Variants in GTF2H1 observed in about 807,000 individuals in gnomAD.
GTF2H1 encodes BTF2 p62.
A neutral mutation model predicts 71.2 loss-of-function variants in GTF2H1; 16 were observed. The ratio of observed to expected loss-of-function variants is 0.22; its 90% CI spans 0.15 to 0.34. The LOEUF (loss-of-function observed/expected upper bound fraction) is 0.34. Ranked by LOEUF, GTF2H1 falls within the 10% of genes least tolerant of loss-of-function variation. The pLI is 1.00. For missense variants in GTF2H1, 498 were observed against 648.2 expected (o/e 0.77, Z 2.52); for synonymous variants, 215 against 219.0 (o/e 0.98, Z 0.16).
chr11:18,358,760 A>T (rs181879495), intron 13 of GTF2H1, 120 bp downstream of exon 13: 9 of 643,868 alleles, frequency 1.4e-5, no homozygotes, highest in Admixed American at 1.3e-4. Flanking sequence ...TCTTTTGCAT[A>T]CATCGTTTCA....
At position 18,366,415 on chromosome 11, in the gene GTF2H1, G is replaced by T. The variant is rs11024628; in HGVS notation, c.*546G>T. ...TGAATTCCAATTATACCTTACATCAGCAAGTTAAAAAAAGTACTTTAAAAT... is the reference window on the plus strand; with the variant it reads ...TGAATTCCAATTATACCTTACATCATCAAGTTAAAAAAAGTACTTTAAAAT... On this transcript the variant is annotated 3_prime_UTR_variant, in exon 15 of 15. Coordinates refer to ENST00000265963, the MANE Select transcript of GTF2H1 (RefSeq NM_005316.4). The T allele has an allele frequency of 6.6e-6, 1 of 152,360 alleles. No homozygotes were observed. Among genetic ancestry groups the T allele is most frequent in the Non-Finnish European group, 1.5e-5 (1 of 68,010 alleles). 9.4% of individuals were successfully genotyped at this position (152,360 alleles called of 1,614,324 possible). A position where few individuals can be genotyped will look rare whatever the true frequency, so the allele number is the denominator to read the frequency against.
Position 18,360,651 on chromosome 11 carries a change from G to T in GTF2H1, c.1504G>T (p.Val502Phe), listed in dbSNP as rs773615546. ...GAAAAGTAATTTGGAACGATTCCAA[G>T]TTACGAAGCTCTGTCCATTCCAAGA... The part of the protein sequence containing the change: ...KMKSNLERFQ[V>F]TKLCPFQEKI... The change falls in exon 14 of 15, where the codon GTT becomes TTT. Residue 502 changes from valine (V) to phenylalanine (F), a missense_variant. Physicochemically the swap from Val to Phe is conservative, Grantham distance 50. Around this residue, in one of 3 missense-constraint regions of GTF2H1, gnomAD observed 266 missense variants for 301.6 expected, o/e 0.88. Transcript: ENST00000265963. The T allele has an allele frequency of 1.3e-6, 2 of 1,565,558 alleles. No individual in the cohort carries two copies. Among genetic ancestry groups the T allele is most frequent in the Non-Finnish European group, 1.7e-6 (2 of 1,159,400 alleles).
At chr11:18,355,620 C>T (rs1865526839) in intron 11 of GTF2H1, among the ~76,000 whole-genome samples, 1 of 152,056 alleles carries the variant, frequency 6.6e-6, no homozygotes, top group Admixed American at 6.6e-5. Flanking sequence ...ATCCTCTCAC[C>T]TCAGCCCTCC....
At chr11:18,336,114 G>GT (rs1410883595) in intron 3 of GTF2H1, among the ~76,000 whole-genome samples, 168 bp downstream of exon 3, 2 of 151,770 alleles carry the variant, frequency 1.3e-5, no homozygotes, top group East Asian at 1.9e-4. Context: ...GGTGGTGGTG[G>GT]TTTTTTGTTT....
At chr11:18,363,328 A>T (rs1458969764) in intron 14 of GTF2H1, among the ~76,000 whole-genome samples, 1 of 152,214 alleles carries the variant, frequency 6.6e-6, no homozygotes, top group Non-Finnish European at 1.5e-5. Context: ...CCTATACATA[A>T]TTGTACATGC....
chr11:18,350,728 A>G (rs1865403270), intron 9 of GTF2H1, among the ~76,000 whole-genome samples: 1 of 152,228 alleles, frequency 6.6e-6, no homozygotes. Context: ...TAGTCTTGGT[A>G]GTCAATAAGA....
chr11:18,345,406 A>T (rs1037915248), intron 7 of GTF2H1, among the ~76,000 whole-genome samples: 3 of 151,354 alleles, frequency 2.0e-5, no homozygotes, highest in Non-Finnish European at 4.4e-5. Context: ...CATGAAGCTG[A>T]CTTTGTTCTG....
At chr11:18,341,230 G>A in intron 5 of GTF2H1, 31 bp from the exon 6 acceptor site, 1 of 1,574,100 alleles carries the variant, frequency 6.4e-7, no homozygotes, top group Admixed American at 1.8e-5. Flanking sequence ...TGGAAATTCA[G>A]TATATAATAT....
chr11:18,327,738 A>G (rs550543859), intron 1 of GTF2H1, among the ~76,000 whole-genome samples: 3 of 152,276 alleles, frequency 2.0e-5, no homozygotes, highest in African/African-American at 7.2e-5. Context: ...ACAGATGTGT[A>G]CCACCAGGCC....
intron 1 of GTF2H1, among the ~76,000 whole-genome samples, chr11:18,324,609 T>C (rs1351664028): frequency 6.6e-6 from 1 of 152,212 alleles, no homozygotes; most frequent in East Asian, 1.9e-4. Context: ...CCTTGAGCTT[T>C]CCTAGCATTT....
intron 1 of GTF2H1, among the ~76,000 whole-genome samples, chr11:18,327,868 C>T (rs547738642): frequency 4.7e-4 from 72 of 152,322 alleles, no homozygotes; most frequent in African/African-American, 1.6e-3. Context: ...AGATTATAGA[C>T]GTGAGCCACC....
intron 7 of GTF2H1, among the ~76,000 whole-genome samples, chr11:18,342,795 C>T (rs1002573712): frequency 1.3e-5 from 2 of 152,118 alleles, no homozygotes; most frequent in African/African-American, 4.8e-5. Flanking sequence ...ACTTTATCTT[C>T]TGTTTAGTAT....
At chr11:18,351,859 A>G in intron 9 of GTF2H1, 22 bp from the exon 10 acceptor site, 1 of 1,191,864 alleles carries the variant, frequency 8.4e-7, no homozygotes, top group Non-Finnish European at 1.2e-6. Flanking sequence ...CAAAATAAAA[A>G]GTACTGTGTT....
chr11:18,341,938 T>C (rs983582857), intron 7 of GTF2H1: 2 of 181,368 alleles, frequency 1.1e-5, no homozygotes, highest in Non-Finnish European at 2.3e-5. Flanking sequence ...TATGGATAAA[T>C]TAATAAATAA....
chr11:18,367,012 G>A lies in GTF2H1; in HGVS notation c.*1143G>A, dbSNP rs1056463669. On this transcript the variant is annotated 3_prime_UTR_variant, in exon 15 of 15. Coordinates refer to ENST00000265963, the MANE Select transcript of GTF2H1 (RefSeq NM_005316.4). Reference sequence around the variant, plus strand: ...TTGTATTAAAAATTACACAAAAAAAGTAAAACTTTTTATACTTACCCTTTT... The same window carrying A: ...TTGTATTAAAAATTACACAAAAAAAATAAAACTTTTTATACTTACCCTTTT... The A allele has an allele frequency of 6.6e-6, 1 of 151,828 alleles. No individual in the cohort carries two copies. The highest frequency in any genetic ancestry group is 2.4e-5 in the African/African-American group (1 of 41,328). 9.4% of individuals were successfully genotyped at this position (151,828 alleles called of 1,614,324 possible). A position where few individuals can be genotyped will look rare whatever the true frequency, so the allele number is the denominator to read the frequency against.
chr11:18,360,550 T>G (rs1354602322), intron 13 of GTF2H1, 65 bp from the exon 14 acceptor site: 2 of 734,164 alleles, frequency 2.7e-6, no homozygotes, highest in African/African-American at 1.9e-5. Context: ...TGTAGAAGAT[T>G]GTTTTTCTGT....
intron 14 of GTF2H1, among the ~76,000 whole-genome samples, chr11:18,361,940 A>G (rs998023550): frequency 2.0e-5 from 3 of 152,190 alleles, no homozygotes; most frequent in Non-Finnish European, 4.4e-5. Context: ...GAGCAACCAC[A>G]TCAGATCATT....
intron 7 of GTF2H1, among the ~76,000 whole-genome samples, chr11:18,343,130 C>A (rs528134774): frequency 6.6e-6 from 1 of 152,146 alleles, no homozygotes; most frequent in African/African-American, 2.4e-5. Flanking sequence ...TCATGTTGGC[C>A]GGGCTGATCT....
chr11:18,353,387 A>T (rs552253365), intron 11 of GTF2H1, among the ~76,000 whole-genome samples: 2 of 152,284 alleles, frequency 1.3e-5, no homozygotes, highest in East Asian at 3.9e-4. Context: ...CTCGAGTCTC[A>T]TCTTCAGCGA....
Sources: allele counts gnomAD v4.1 joint callset (sites outside exome capture counted in the v4.1 genomes callset), GRCh38; gene constraint gnomAD v4.1.1; regional missense constraint gnomAD v4.1.1; transcripts MANE v1.5; gene names NCBI Gene and HGNC (gene_info 2026-07-23, HGNC 2026-07-21).